NOP58: variants seen among roughly 807,000 people sequenced by gnomAD.
NOP58 encodes NOP58 ribonucleoprotein.
Under a neutral mutation model 71.2 loss-of-function variants are expected in NOP58, and 44 were observed. The ratio of observed to expected loss-of-function variants is 0.62; its 90% confidence interval spans 0.49 to 0.79. NOP58 has a LOEUF of 0.79. Ranked by LOEUF, NOP58 falls within the 30% of genes least tolerant of loss-of-function variation. The pLI is 0.00. For missense variants in NOP58, 538 were observed against 620.2 expected (o/e 0.87, Z 1.41); for synonymous variants, 228 against 200.3 (o/e 1.14, Z -1.17).
At position 202,291,968 on chromosome 2, in the gene NOP58, C is replaced by CTTTTTTTTTTTTT. The variant is rs869075798; in HGVS notation, c.780+722_780+734dup. ...GATACAAATGTTTATTGCTCAGAAT[C>CTTTTTTTTTTTTT]TTTTTTTTTTTTTTTTTTTTTTTTT... On this transcript the variant is annotated intron_variant, in intron 8 of 14. Coordinates refer to ENST00000264279, the MANE Select transcript of NOP58 (RefSeq NM_015934.5). Among the ~76,000 whole-genome samples the CTTTTTTTTTTTTT allele has an allele frequency of 2.0e-4, 9 of 43,946 alleles. 3 individuals carry two copies. Among genetic ancestry groups the CTTTTTTTTTTTTT allele is most frequent in the Non-Finnish European group, 2.9e-4 (7 of 23,984 alleles). The allele number at this position is 43,946 out of a possible 152,430, so 28.8% of individuals were successfully genotyped here.
At chr2:202,289,499 G>A (rs1688851486) in intron 6 of NOP58, among the ~76,000 whole-genome samples, 1 of 152,184 alleles carries the variant, frequency 6.6e-6, no homozygotes, top group African/African-American at 2.4e-5. Context: ...AAATGTAGAT[G>A]CATTTCCTAT....
intron 9 of NOP58, among the ~76,000 whole-genome samples, chr2:202,294,960 A>C (rs527755898): frequency 2.7e-5 from 4 of 146,636 alleles, no homozygotes; most frequent in Non-Finnish European, 4.4e-5. Flanking sequence ...GCGAAACTCT[A>C]TCTCAAAAAA....
intron 10 of NOP58, among the ~76,000 whole-genome samples, chr2:202,296,818 C>G (rs569928504): frequency 3.3e-5 from 5 of 152,240 alleles, no homozygotes; most frequent in East Asian, 1.9e-4. Context: ...ACTGCAAGCT[C>G]TGCCTCCCAG....
chr2:202,287,668 G>A lies in NOP58; in HGVS notation c.443G>A (p.Arg148Gln). The A allele has an allele frequency of 1.9e-6, 3 of 1,611,744 alleles. No homozygotes were observed. Among genetic ancestry groups the A allele is most frequent in the Non-Finnish European group, 2.5e-6 (3 of 1,178,054 alleles). The change falls in exon 6 of 15, where the codon CGA (arginine) becomes CAA (glutamine). Residue 148 changes from arginine (R) to glutamine (Q), a missense_variant. Physicochemically the swap from Arg to Gln is conservative, Grantham distance 43. Transcript: ENST00000264279. ...MCLGLAHSLS[R>Q]YRLKFSADKV... Reference sequence around the variant, plus strand: ...TTCCCCTTTCTTCCCAGCCTGTCTCGATATAGATTGAAGTTTAGCGCTGAT... The same window carrying A: ...TTCCCCTTTCTTCCCAGCCTGTCTCAATATAGATTGAAGTTTAGCGCTGAT...
chr2:202,301,699 C>G (rs1161523553), intron 13 of NOP58, among the ~76,000 whole-genome samples: 1 of 152,134 alleles, frequency 6.6e-6, no homozygotes, highest in Non-Finnish European at 1.5e-5. Context: ...ATCCACTTAT[C>G]CCATCTGCCC....
intron 9 of NOP58, among the ~76,000 whole-genome samples, chr2:202,295,273 T>G (rs1688971773): frequency 6.6e-6 from 1 of 152,244 alleles, no homozygotes; most frequent in African/African-American, 2.4e-5. Flanking sequence ...TAAATGTGTT[T>G]ATTTGTAGGC....
At position 202,265,961 on chromosome 2, in the gene NOP58, C is replaced by T; in HGVS notation, c.20C>T (p.Thr7Met). The change falls in exon 1 of 15, where the codon ACG (threonine) becomes ATG (methionine). Residue 7 changes from threonine (T) to methionine (M), a missense_variant. Coordinates refer to ENST00000264279, the MANE Select transcript of NOP58 (RefSeq NM_015934.5). MLVLFE[T>M]SVGYAIFKVL... ...CTCACCATGTTGGTGCTGTTTGAAA[C>T]GTCTGTGGGTTACGCCATCTTTAAG... 6.2e-7 allele frequency: 1 copy of T among 1,614,176 alleles called. No individual in the cohort carries two copies. The highest frequency in any genetic ancestry group is 8.5e-7 in the Non-Finnish European group (1 of 1,180,020).
rs1688490602 is a variant in NOP58 at position 202,269,967 on chromosome 2, T to C, written c.45+3981T>C. ...GGTTATATTGTACAGTGTAGCTGTG[T>C]AGCATAGCATTTTGTGTCACTTCAT... On this transcript the variant is annotated intron_variant, in intron 1 of 14. Transcript: ENST00000264279. Among the ~76,000 whole-genome samples the C allele has an allele frequency of 2.0e-5, 3 of 152,338 alleles. No homozygotes were observed. The South Asian group carries it at 6.2e-4, about 32-fold the overall frequency.
intron 3 of NOP58, 101 bp from the exon 4 acceptor site, chr2:202,282,250 C>T: frequency 1.2e-6 from 1 of 861,724 alleles, no homozygotes. Flanking sequence ...AATTCAAGCC[C>T]TTTGAAAGGC....
At chr2:202,296,905 T>A (rs1321855932) in intron 10 of NOP58, among the ~76,000 whole-genome samples, 2 of 152,036 alleles carry the variant, frequency 1.3e-5, no homozygotes, top group African/African-American at 4.8e-5. Flanking sequence ...GGCTAATTTT[T>A]TGTATTTTTA....
chr2:202,271,796 G>T (rs10202052), intron 1 of NOP58, among the ~76,000 whole-genome samples: 50,956 of 151,690 alleles, frequency 0.34, 10,019 homozygotes, highest in African/African-American at 0.55. Flanking sequence ...ATTTTTAAAA[G>T]AGCTAGATGT....
chr2:202,270,504 T>C (rs1409099454), intron 1 of NOP58, among the ~76,000 whole-genome samples: 1 of 152,116 alleles, frequency 6.6e-6, no homozygotes, highest in Non-Finnish European at 1.5e-5. Context: ...AACATAGAGG[T>C]TGGGTGCAGT....
At chr2:202,281,669 C>G (rs1688707685) in intron 3 of NOP58, among the ~76,000 whole-genome samples, 1 of 152,156 alleles carries the variant, frequency 6.6e-6, no homozygotes, top group South Asian at 2.1e-4. Flanking sequence ...TACACACCAC[C>G]ATGCCTGGGT....
intron 5 of NOP58, among the ~76,000 whole-genome samples, chr2:202,286,383 T>C (rs993172184): frequency 8.7e-5 from 13 of 149,560 alleles, no homozygotes; most frequent in Non-Finnish European, 1.6e-4. Flanking sequence ...CGGGCGCCTG[T>C]AGTCCCAGCT....
At chr2:202,283,885 C>T (rs112459519) in intron 4 of NOP58, among the ~76,000 whole-genome samples, 17 of 152,266 alleles carry the variant, frequency 1.1e-4, no homozygotes, top group African/African-American at 4.1e-4. Context: ...GTTTTTACTT[C>T]CACCAGTGAT....
intron 12 of NOP58, among the ~76,000 whole-genome samples, chr2:202,299,402 A>G (rs971468883): frequency 6.6e-6 from 1 of 152,074 alleles, no homozygotes; most frequent in Non-Finnish European, 1.5e-5. Context: ...GGGCATTCAC[A>G]TTTTCTTTTT....
At chr2:202,274,740 C>T (rs1042816680) in intron 1 of NOP58, among the ~76,000 whole-genome samples, 5 of 151,910 alleles carry the variant, frequency 3.3e-5, no homozygotes, top group Non-Finnish European at 7.4e-5. Context: ...CCAGGCTGGG[C>T]TACAGAGCGA....
intron 5 of NOP58, among the ~76,000 whole-genome samples, chr2:202,285,341 ATTT>A (rs932875625): frequency 4.9e-5 from 4 of 81,254 alleles, no homozygotes; most frequent in African/African-American, 5.6e-5. Flanking sequence ...CACACCCGGC[ATTT>A]TTTTTTTTTT....
At chr2:202,288,142 G>T (rs1031104526) in intron 6 of NOP58, among the ~76,000 whole-genome samples, 2 of 152,018 alleles carry the variant, frequency 1.3e-5, no homozygotes, top group African/African-American at 2.4e-5. Context: ...AAACATAAGT[G>T]CAATCTTTGT....
Sources: gnomAD v4.1 joint callset for allele counts (sites outside exome capture counted in the v4.1 genomes callset) on GRCh38, gnomAD v4.1.1 for gene constraint, MANE v1.5 for transcripts, NCBI Gene and HGNC (gene_info 2026-07-23, HGNC 2026-07-21) for gene names.